The following TECPR2 variants were observed in gnomAD, a reference collection of about 807,000 sequenced individuals.
The protein encoded by TECPR2 is tectonin beta-propeller repeat-containing protein 2.
A neutral mutation model predicts 138.1 loss-of-function variants in TECPR2; 65 were observed. The ratio of observed to expected loss-of-function variants is 0.47; its 90% CI spans 0.39 to 0.58. The LOEUF is 0.58. TECPR2 is among the 20% of genes least tolerant of loss of function. The pLI, the probability that TECPR2 is intolerant of heterozygous loss-of-function variation, is 0.00. For synonymous variants in TECPR2, 746 were observed against 749.8 expected (o/e 0.99, Z 0.08); for missense variants, 1,553 against 1,824.5 (o/e 0.85, Z 2.71).
Position 102,429,560 on chromosome 14 carries a change from G to A in TECPR2, c.1084+1178G>A, listed in dbSNP as rs140958688. On this transcript the variant is annotated intron_variant, in intron 7 of 19. Transcript: ENST00000359520. ...ACATCCACATGCTTTATATATTTGGGTTCCTCGGGGAACTTGTTCCTCATG... is the reference window on the plus strand; with the variant it reads ...ACATCCACATGCTTTATATATTTGGATTCCTCGGGGAACTTGTTCCTCATG... Among the ~76,000 whole-genome samples the A allele has an allele frequency of 3.0e-3, 464 of 152,180 alleles. 6 individuals are homozygous for A. Among genetic ancestry groups the A allele is most frequent in the African/African-American group, 0.01 (425 of 41,520 alleles).
In TECPR2 at chr14:102,431,121, T is replaced by G. The variant is rs1269217054; in HGVS notation, c.1085-675T>G. Among the ~76,000 whole-genome samples the G allele has an allele frequency of 8.7e-5, 13 of 148,648 alleles. No homozygotes were observed. In the Admixed American group the frequency reaches 8.8e-4, roughly 10 times the overall value. Reference sequence around the variant, plus strand: ...TCACTGCAACCTCCACCTCCCAGGCTCAAATGATTCTCCCACCTCAGCCTC... The same window carrying G: ...TCACTGCAACCTCCACCTCCCAGGCGCAAATGATTCTCCCACCTCAGCCTC... On this transcript the variant is annotated intron_variant, in intron 7 of 19. Coordinates refer to ENST00000359520, the MANE Select transcript of TECPR2 (RefSeq NM_014844.5).
chr14:102,493,541 G>A (rs1891203667), intron 17 of TECPR2, among the ~76,000 whole-genome samples: 1 of 152,250 alleles, frequency 6.6e-6, no homozygotes, highest in Non-Finnish European at 1.5e-5. Flanking sequence ...TGTATGGAAA[G>A]GGGGTTCCAT....
chr14:102,496,867 C>G, intron 17 of TECPR2, 112 bp from the exon 18 acceptor site: 1 of 1,506,020 alleles, frequency 6.6e-7, no homozygotes, highest in Non-Finnish European at 9.0e-7. Context: ...CCTGCGGGGC[C>G]CACACTGGCT....
At chr14:102,372,641 T>C (rs2139651885) in intron 1 of TECPR2, among the ~76,000 whole-genome samples, 1 of 152,222 alleles carries the variant, frequency 6.6e-6, no homozygotes, top group Admixed American at 6.5e-5. Flanking sequence ...CCAGCAAGTC[T>C]GGGCGTGGTA....
intron 2 of TECPR2, among the ~76,000 whole-genome samples, chr14:102,401,545 C>T (rs1004608369): frequency 1.6e-4 from 24 of 151,544 alleles, no homozygotes; most frequent in South Asian, 8.4e-4. Flanking sequence ...TTTGGGAGGC[C>T]GAGGCCAGCA....
At chr14:102,387,165 G>A (rs897010197) in intron 2 of TECPR2, among the ~76,000 whole-genome samples, 1 of 152,190 alleles carries the variant, frequency 6.6e-6, no homozygotes, top group African/African-American at 2.4e-5. Context: ...GTTTTTAAAT[G>A]AAGTTATGTT....
At chr14:102,365,133 G>C (rs2139643781) in intron 1 of TECPR2, among the ~76,000 whole-genome samples, 1 of 152,330 alleles carries the variant, frequency 6.6e-6, no homozygotes, top group East Asian at 1.9e-4. Context: ...CTTTGAGAGA[G>C]AGATTCATTC....
At chr14:102,404,764 A>G (rs538589739) in intron 2 of TECPR2, among the ~76,000 whole-genome samples, 3 of 151,542 alleles carry the variant, frequency 2.0e-5, no homozygotes. Flanking sequence ...TTTAGTAGAG[A>G]CAGGATTTCG....
At chr14:102,404,104 A>G (rs979799363) in intron 2 of TECPR2, among the ~76,000 whole-genome samples, 4 of 148,270 alleles carry the variant, frequency 2.7e-5, no homozygotes, top group Admixed American at 1.4e-4. Flanking sequence ...GGGTCTCACT[A>G]TGTTGCTCAG....
At position 102,435,104 on chromosome 14, in the gene TECPR2, CCTT is replaced by C. The variant is rs1366094490; in HGVS notation, c.2292_2294del (p.Ser767del). 6.2e-7 allele frequency: 1 copy of C among 1,613,768 alleles called. No homozygotes were observed. Among genetic ancestry groups the C allele is most frequent in the Admixed American group, 1.7e-5 (1 of 60,018 alleles). Reference sequence around the variant, plus strand: ...GGAGGACATCTATGCCCACGGGCTTCCTTCTTCATCCTCAGAGACGAGTGTGAC... The same window carrying C: ...GGAGGACATCTATGCCCACGGGCTTCCTTCATCCTCAGAGACGAGTGTGAC... On this transcript the variant is annotated inframe_deletion, in exon 9 of 20. Coordinates refer to ENST00000359520, the MANE Select transcript of TECPR2 (RefSeq NM_014844.5).
chr14:102,458,960 T>TACAC (rs202166600), intron 16 of TECPR2, among the ~76,000 whole-genome samples: 28 of 85,764 alleles, frequency 3.3e-4, no homozygotes, highest in African/African-American at 9.7e-4. Flanking sequence ...AAAAAAAAAA[T>TACAC]ACACACATAT....
At chr14:102,413,698 A>G (rs546467681) in intron 4 of TECPR2, among the ~76,000 whole-genome samples, 2 of 152,260 alleles carry the variant, frequency 1.3e-5, no homozygotes, top group African/African-American at 4.8e-5. Flanking sequence ...TTTTCTGTAA[A>G]AGTAACTTAC....
chr14:102,417,582 G>C (rs1207236133), intron 5 of TECPR2, among the ~76,000 whole-genome samples: 1 of 152,230 alleles, frequency 6.6e-6, no homozygotes, highest in Non-Finnish European at 1.5e-5. Context: ...GCTGAAGCCT[G>C]GGAAGAGCTG....
chr14:102,454,351 A>G (rs916704652), intron 16 of TECPR2, among the ~76,000 whole-genome samples: 3 of 152,146 alleles, frequency 2.0e-5, no homozygotes, highest in Non-Finnish European at 4.4e-5. Flanking sequence ...CTGAGTAGAC[A>G]TCACCCATTC....
At chr14:102,444,562 G>A (rs1889918619) in intron 12 of TECPR2, among the ~76,000 whole-genome samples, 2 of 151,910 alleles carry the variant, frequency 1.3e-5, no homozygotes, top group Non-Finnish European at 2.9e-5. Flanking sequence ...GTTAGTTATA[G>A]AATTGCCATC....
At chr14:102,432,181 C>G (rs1889515826) in intron 8 of TECPR2, 53 bp downstream of exon 8, 12 of 1,423,700 alleles carry the variant, frequency 8.4e-6, no homozygotes, top group Non-Finnish European at 1.9e-6. Context: ...TTTCCAGATT[C>G]TCTGGGAGTG....
At chr14:102,483,389 T>G (rs1210554358) in intron 17 of TECPR2, among the ~76,000 whole-genome samples, 1 of 147,798 alleles carries the variant, frequency 6.8e-6, no homozygotes, top group African/African-American at 2.5e-5. Flanking sequence ...TTGTTATGTT[T>G]TTGTGTGTTG....
intron 17 of TECPR2, 95 bp from the exon 18 acceptor site, chr14:102,496,884 T>C: frequency 6.5e-7 from 1 of 1,542,384 alleles, no homozygotes; most frequent in Non-Finnish European, 8.8e-7. Flanking sequence ...GGCTGCTGCA[T>C]GCTGCCACTA....
At chr14:102,385,297 A>G (rs1439275106) in intron 2 of TECPR2, among the ~76,000 whole-genome samples, 1 of 152,154 alleles carries the variant, frequency 6.6e-6, no homozygotes, top group Non-Finnish European at 1.5e-5. Context: ...TGAGGAGGGC[A>G]TTAATCTATT....
Sources: allele counts gnomAD v4.1 joint callset (sites outside exome capture counted in the v4.1 genomes callset), GRCh38; gene constraint gnomAD v4.1.1; transcripts MANE v1.5; gene names NCBI Gene and HGNC (gene_info 2026-07-23, HGNC 2026-07-21).